The following IL1RAPL2 variants were observed in gnomAD, a reference collection of about 807,000 sequenced individuals.
IL1RAPL2 encodes the protein interleukin 1 receptor accessory protein like 2, also known as X-linked interleukin-1 receptor accessory protein-like 2.
In IL1RAPL2, 3 loss-of-function variants were observed where a neutral mutation model predicts 44.1. The ratio of observed to expected loss-of-function variants is 0.07; its 90% confidence interval spans 0.03 to 0.18. The LOEUF is 0.18. Ranked by LOEUF, IL1RAPL2 falls within the 10% of genes least tolerant of loss-of-function variation. The pLI is 1.00. For missense variants in IL1RAPL2, 391 were observed against 496.4 expected (o/e 0.79, Z 2.02); for synonymous variants, 181 against 178.8 (o/e 1.01, Z -0.10).
chrX:105,395,438 G>A (rs2035555088), intron 5 of IL1RAPL2, among the ~76,000 whole-genome samples: 1 of 110,061 alleles, frequency 9.1e-6, no homozygotes, highest in African/African-American at 3.3e-5. Flanking sequence ...TAGAGGCTGA[G>A]AAGAGTATAA....
At chrX:104,851,578 C>G (rs764994627) in intron 2 of IL1RAPL2, among the ~76,000 whole-genome samples, 1 of 111,472 alleles carries the variant, frequency 9.0e-6, no homozygotes, top group African/African-American at 3.3e-5. Flanking sequence ...AAGGAACTCA[C>G]GAAAATAGAG....
intron 6 of IL1RAPL2, among the ~76,000 whole-genome samples, chrX:105,605,795 T>C (rs766508412): frequency 1.1e-5 from 1 of 94,840 alleles, no homozygotes; most frequent in South Asian, 5.7e-4. Flanking sequence ...AGCAAATCCA[T>C]GTATTTACAG....
At chrX:104,952,731 A>G (rs1925618371) in intron 2 of IL1RAPL2, among the ~76,000 whole-genome samples, 1 of 111,961 alleles carries the variant, frequency 8.9e-6, no homozygotes, top group South Asian at 3.7e-4. Context: ...CAAAAATACC[A>G]TTAAAAAGAA....
intron 2 of IL1RAPL2, among the ~76,000 whole-genome samples, chrX:104,673,577 G>C (rs1219484292): frequency 1.8e-5 from 2 of 111,134 alleles, no homozygotes; most frequent in Admixed American, 1.9e-4. Context: ...ATTTGGCGAT[G>C]TGGGCTCTTT....
intron 6 of IL1RAPL2, among the ~76,000 whole-genome samples, chrX:105,492,688 C>G (rs1239898554): frequency 9.1e-6 from 1 of 109,901 alleles, no homozygotes; most frequent in Non-Finnish European, 1.9e-5. Flanking sequence ...ATATTAAATA[C>G]TTTATATAGC....
intron 2 of IL1RAPL2, among the ~76,000 whole-genome samples, chrX:104,910,211 C>A (rs1415183038): frequency 8.9e-6 from 1 of 112,127 alleles, no homozygotes; most frequent in African/African-American, 3.2e-5. Context: ...CATGCTTCGG[C>A]TCGCTCACGG....
At chrX:105,237,531 G>A (rs921964826) in intron 4 of IL1RAPL2, among the ~76,000 whole-genome samples, 3 of 111,651 alleles carry the variant, frequency 2.7e-5, no homozygotes, top group South Asian at 3.7e-4. Flanking sequence ...TTTAATGATT[G>A]CCATTCTAAC....
chrX:105,081,374 T>C (rs1302603353), intron 2 of IL1RAPL2, among the ~76,000 whole-genome samples: 3 of 111,336 alleles, frequency 2.7e-5, no homozygotes, highest in Non-Finnish European at 1.9e-5. Context: ...GGGGTAATAA[T>C]TATTTTCTTC....
intron 5 of IL1RAPL2, among the ~76,000 whole-genome samples, chrX:105,442,045 T>TTTTTA (rs201008294): frequency 0.06 from 6,594 of 109,802 alleles, 582 homozygotes; most frequent in African/African-American, 0.21. Flanking sequence ...TCTTCTTTAT[T>TTTTTA]TTTTATTTTA....
intron 2 of IL1RAPL2, among the ~76,000 whole-genome samples, chrX:104,985,345 T>G (rs2147729147): frequency 9.0e-6 from 1 of 111,580 alleles, no homozygotes; most frequent in South Asian, 3.8e-4. Context: ...CGCCTCAGCC[T>G]CCCAAAGTGC....
intron 2 of IL1RAPL2, among the ~76,000 whole-genome samples, chrX:104,970,452 C>T (rs1425802412): frequency 1.8e-5 from 2 of 111,780 alleles, no homozygotes; most frequent in African/African-American, 6.5e-5. Context: ...CAGGGCTACC[C>T]CACAGGCAGT....
chrX:105,659,553 A>T (rs761793511), intron 6 of IL1RAPL2, among the ~76,000 whole-genome samples: 97 of 108,818 alleles, frequency 8.9e-4, no homozygotes, highest in African/African-American at 3.0e-3. Context: ...GCCACTCGGG[A>T]GGCTGAGGCA....
At chrX:104,828,649 G>T (rs755929886) in intron 2 of IL1RAPL2, among the ~76,000 whole-genome samples, 1 of 112,332 alleles carries the variant, frequency 8.9e-6, no homozygotes, top group South Asian at 3.6e-4. Context: ...AGCAGAGCTC[G>T]AGCGTTGTGC....
intron 4 of IL1RAPL2, among the ~76,000 whole-genome samples, chrX:105,266,038 T>C (rs2034399536): frequency 9.7e-6 from 1 of 103,236 alleles, no homozygotes; most frequent in Admixed American, 1.0e-4. Context: ...ATTTACATGA[T>C]AAAATACTTT....
intron 2 of IL1RAPL2, among the ~76,000 whole-genome samples, chrX:104,915,793 C>T (rs1438029321): frequency 9.0e-6 from 1 of 111,660 alleles, no homozygotes; most frequent in Admixed American, 9.5e-5. Context: ...ATATGGCTAG[C>T]CCGTTTTCCC....
intron 2 of IL1RAPL2, among the ~76,000 whole-genome samples, chrX:105,063,412 C>A (rs146945179): frequency 8.9e-5 from 10 of 111,917 alleles, no homozygotes; most frequent in African/African-American, 3.2e-4. Flanking sequence ...GTCCCTAGTG[C>A]CTTATTTATT....
intron 6 of IL1RAPL2, among the ~76,000 whole-genome samples, chrX:105,504,269 A>C (rs780533532): frequency 7.1e-5 from 8 of 112,017 alleles, no homozygotes; most frequent in African/African-American, 2.6e-4. Context: ...CCTATATAAA[A>C]ATAGGCTGTA....
At chrX:104,724,961 G>C (rs1461074319) in intron 2 of IL1RAPL2, among the ~76,000 whole-genome samples, 2 of 111,003 alleles carry the variant, frequency 1.8e-5, no homozygotes, top group Non-Finnish European at 3.8e-5. Context: ...AGGTATACAC[G>C]TGCCATGGTG....
At chrX:105,357,810 A>G (rs2035214507) in intron 5 of IL1RAPL2, among the ~76,000 whole-genome samples, 1 of 110,054 alleles carries the variant, frequency 9.1e-6, no homozygotes, top group African/African-American at 3.3e-5. Context: ...ATATACACAT[A>G]TACACACACA....
Sources: gnomAD v4.1 joint callset for allele counts (sites outside exome capture counted in the v4.1 genomes callset) on GRCh38, gnomAD v4.1.1 for gene constraint, MANE v1.5 for transcripts, NCBI Gene and HGNC (gene_info 2026-07-23, HGNC 2026-07-21) for gene names.